APOL1: variants seen among roughly 807,000 people sequenced by gnomAD.
APOL1 encodes the protein apolipoprotein L 1.
Under a neutral mutation model 14.9 loss-of-function variants are expected in APOL1, and 17 were observed. The observed-to-expected ratio is 1.14, with a 90% CI of 0.78 to 1.71. APOL1 has a LOEUF of 1.71. APOL1 is among the 40% of genes most tolerant of loss of function. The probability of loss-of-function intolerance (pLI) is 0.00; values close to 1 mark genes in which losing one functional copy is unlikely to be tolerated. For synonymous variants in APOL1, 195 were observed against 184.8 expected (o/e 1.05, Z -0.45); for missense variants, 523 against 485.9 (o/e 1.08, Z -0.72).
Position 36,266,904 on chromosome 22 carries a change from CAAAA to C in APOL1, c.*885_*888del, listed in dbSNP as rs11321251. ...TGGGTGACAGAGCGAGACTCCATCTCAAAAAAAAAAAAAAAAAGAATATATTGAC... is the reference window on the plus strand; with the variant it reads ...TGGGTGACAGAGCGAGACTCCATCTCAAAAAAAAAAAAAGAATATATTGAC... On this transcript the variant is annotated 3_prime_UTR_variant, in exon 6 of 6. Transcript: ENST00000397278. The C allele has an allele frequency of 2.5e-4, 21 of 83,316 alleles. No individual in the cohort carries two copies. The highest frequency in any genetic ancestry group is 5.7e-3 in the Middle Eastern group (1 of 174). 5.2% of individuals were successfully genotyped at this position (83,316 alleles called of 1,614,324 possible).
intron 1 of APOL1, 36 bp downstream of exon 1, chr22:36,253,255 T>A (rs969287223): frequency 5.2e-6 from 2 of 384,448 alleles, no homozygotes; most frequent in African/African-American, 4.3e-5. Context: ...TCCATCTTAT[T>A]CTCACAGCTT....
chr22:36,266,884 G>T lies in APOL1; in HGVS notation c.*851G>T. On this transcript the variant is annotated 3_prime_UTR_variant, in exon 6 of 6. Coordinates refer to ENST00000397278, the MANE Select transcript of APOL1 (RefSeq NM_003661.4). The stretch of plus-strand genomic sequence containing the variant: ...ATCGCCACTGCACTCCAGCCTGGGT[G>T]ACAGAGCGAGACTCCATCTCAAAAA... The T allele has an allele frequency of 9.9e-6, 2 of 201,446 alleles. No individual in the cohort carries two copies. The highest frequency in any genetic ancestry group is 9.7e-6 in the Non-Finnish European group (1 of 103,322). 12.5% of individuals were successfully genotyped at this position (201,446 alleles called of 1,614,324 possible).
Position 36,253,157 on chromosome 22 carries a change from TG to T in APOL1, c.-79del. ...TATTATACAGACGCATAACTGGAGG[TG>T]GGATCCACACAGCTCAGAACAGCTG... On this transcript the variant is annotated 5_prime_UTR_variant, in exon 1 of 6. Coordinates refer to ENST00000397278, the MANE Select transcript of APOL1 (RefSeq NM_003661.4). The T allele has an allele frequency of 2.0e-6, 1 of 500,642 alleles. No homozygotes were observed. The highest frequency in any genetic ancestry group is 2.1e-5 in the Admixed American group (1 of 48,274). 31.0% of individuals were successfully genotyped at this position (500,642 alleles called of 1,614,324 possible).
rs543575592 is a variant in APOL1 at position 36,265,136 on chromosome 22, C to T, written c.315-15C>T. 7 of 1,613,294 alleles carry T rather than the reference C, an allele frequency of 4.3e-6. No homozygotes were observed. The highest frequency in any genetic ancestry group is 4.2e-6 in the Non-Finnish European group (5 of 1,179,618). On this transcript the variant is annotated splice_polypyrimidine_tract_variant and intron_variant, in intron 5 of 5. Coordinates refer to ENST00000397278, the MANE Select transcript of APOL1 (RefSeq NM_003661.4). Reference sequence around the variant, plus strand: ...AAAACTGCATTTCTTAATCCTTTAACCTTTCCTTGTGCAGGAATGAGGCAG... The same window carrying T: ...AAAACTGCATTTCTTAATCCTTTAATCTTTCCTTGTGCAGGAATGAGGCAG...
Position 36,253,144 on chromosome 22 carries a change from G to C in APOL1, c.-95G>C, listed in dbSNP as rs1000932100. On this transcript the variant is annotated 5_prime_UTR_variant, in exon 1 of 6. Transcript: ENST00000397278. ...GGACCTGTCTGGTTATTATACAGAC[G>C]CATAACTGGAGGTGGGATCCACACA... 4 of 488,970 alleles carry C rather than the reference G, an allele frequency of 8.2e-6. No homozygotes were observed. The highest frequency in any genetic ancestry group is 1.6e-5 in the Non-Finnish European group (4 of 245,414). The allele number at this position is 488,970 out of a possible 1,614,324, so 30.3% of individuals were successfully genotyped here. A position where few individuals can be genotyped will look rare whatever the true frequency, so the allele number is the denominator to read the frequency against.
chr22:36,257,722 G>A (rs1396711745), intron 4 of APOL1, among the ~76,000 whole-genome samples: 2 of 150,254 alleles, frequency 1.3e-5, no homozygotes, highest in Non-Finnish European at 3.0e-5. Context: ...TGTGGGGAGA[G>A]CAGGGTCCAG....
chr22:36,258,151 C>G (rs1463276660), intron 4 of APOL1, among the ~76,000 whole-genome samples: 1 of 152,096 alleles, frequency 6.6e-6, no homozygotes, highest in East Asian at 1.9e-4. Context: ...CCACCCCGTC[C>G]CCCCCCAGCT....
rs1485066787 is a variant in APOL1 at position 36,266,592 on chromosome 22, C to T, written c.*559C>T. ...GGAGAGTGTGGGGAATGGGAAGAAG[C>T]AGTTTACTTTAGACTAAAGAATATA... is the stretch of plus-strand genomic sequence containing the variant. On this transcript the variant is annotated 3_prime_UTR_variant, in exon 6 of 6. Coordinates refer to ENST00000397278, the MANE Select transcript of APOL1 (RefSeq NM_003661.4). The T allele has an allele frequency of 2.5e-6, 1 of 398,296 alleles. No individual in the cohort carries two copies. The highest frequency in any genetic ancestry group is 2.1e-5 in the African/African-American group (1 of 48,626). The allele number at this position is 398,296 out of a possible 1,614,324, so 24.7% of individuals were successfully genotyped here.
chr22:36,258,930 T>C (rs1021080421), intron 4 of APOL1, among the ~76,000 whole-genome samples: 5 of 152,256 alleles, frequency 3.3e-5, no homozygotes, highest in African/African-American at 1.2e-4. Flanking sequence ...CTTAGCTGAA[T>C]TGGCCACTTC....
chr22:36,257,071 A>C lies in APOL1; in HGVS notation c.45-12A>C. The stretch of plus-strand genomic sequence containing the variant: ...CCCGTCCTCTGATTATCTTCTCCTC[A>C]TACCCCAACAGGATGAGTGCACTTT... On this transcript the variant is annotated splice_polypyrimidine_tract_variant and intron_variant, in intron 2 of 5. Transcript: ENST00000397278. 6.2e-7 allele frequency: 1 copy of C among 1,614,080 alleles called. No homozygotes were observed. The highest frequency in any genetic ancestry group is 8.5e-7 in the Non-Finnish European group (1 of 1,179,996).
chr22:36,261,478 A>G, intron 4 of APOL1, 118 bp from the exon 5 acceptor site: 3 of 1,170,648 alleles, frequency 2.6e-6, no homozygotes, highest in South Asian at 1.4e-5. Flanking sequence ...ATGACTCCAT[A>G]AAACAAGTCC....
chr22:36,261,786 TA>T, intron 5 of APOL1, 64 bp downstream of exon 5: 1 of 1,554,696 alleles, frequency 6.4e-7, no homozygotes, highest in Non-Finnish European at 8.8e-7. Flanking sequence ...TCCCCTGGGC[TA>T]GTTTTCCCTG....
Position 36,265,886 on chromosome 22 carries a change from C to T in APOL1, c.1050C>T (p.Val350=), listed in dbSNP as rs2016241242. The change falls in exon 6 of 6, where the codon GTC becomes GTT. Residue 350 remains valine (V), a synonymous_variant. Transcript: ENST00000397278. The part of the protein sequence containing the change: ...PVSFFLVLDV[V]YLVYESKHLH... ...GCTTCTTTCTTGTGCTGGATGTAGT[C>T]TACCTCGTGTACGAATCAAAGCACT... 1 of 1,614,058 alleles carries T rather than the reference C, an allele frequency of 6.2e-7. No individual in the cohort carries two copies. Among genetic ancestry groups the T allele is most frequent in the Admixed American group, 1.7e-5 (1 of 59,992 alleles).
chr22:36,254,689 T>C (rs933925175), intron 1 of APOL1, among the ~76,000 whole-genome samples: 2 of 152,048 alleles, frequency 1.3e-5, no homozygotes, highest in Non-Finnish European at 2.9e-5. Context: ...GGTGAAACCC[T>C]GTCTCTACTA....
Position 36,261,620 on chromosome 22 carries a change from C to A in APOL1, c.212C>A (p.Ala71Asp), listed in dbSNP as rs779899888. ...DPESSIFIED[A>D]IKYFKEKVST... ...GAGAGCAGTATCTTTATTGAGGATG[C>A]CATTAAGTATTTCAAGGAAAAAGTG... Residue 71 changes from alanine (A) to aspartate (D), a missense_variant, in exon 5 of 6, where the codon GCC (alanine) becomes GAC (aspartate). Transcript: ENST00000397278. The A allele has an allele frequency of 6.2e-7, 1 of 1,613,604 alleles. No homozygotes were observed. The highest frequency in any genetic ancestry group is 8.5e-7 in the Non-Finnish European group (1 of 1,179,630).
At chr22:36,259,544 G>A in intron 4 of APOL1, 1 of 1,187,442 alleles carries the variant, frequency 8.4e-7, no homozygotes, top group South Asian at 1.5e-5. Flanking sequence ...CAAGACGAGG[G>A]GAGGGCAGGG....
Position 36,259,013 on chromosome 22 carries a change from T to C in APOL1, c.187+1606T>C, listed in dbSNP as rs545102556. On this transcript the variant is annotated intron_variant, in intron 4 of 5. Coordinates refer to ENST00000397278, the MANE Select transcript of APOL1 (RefSeq NM_003661.4). The stretch of plus-strand genomic sequence containing the variant: ...GGTGGTTTCAGCAACTCCTTCTGTG[T>C]CTGTCATGTGAACCTGCTGCCTGGA... 4.4e-3 allele frequency among the ~76,000 whole-genome samples: 667 copies of C among 152,290 alleles called. 4 individuals are homozygous for C. Among genetic ancestry groups the C allele is most frequent in the African/African-American group, 0.015 (619 of 41,556 alleles).
At position 36,260,334 on chromosome 22, in the gene APOL1, G is replaced by A. The variant is rs972418128; in HGVS notation, c.188-1262G>A. ...GGCATGAACCCAGGAGGCAGAGCTT[G>A]CAGTGAGCCAAGATCGCACCACTGC... is the stretch of plus-strand genomic sequence containing the variant. On this transcript the variant is annotated intron_variant, in intron 4 of 5. Transcript: ENST00000397278. 2.6e-5 allele frequency among the ~76,000 whole-genome samples: 4 copies of A among 152,176 alleles called. No homozygotes were observed. The South Asian group carries it at 8.3e-4, about 31-fold the overall frequency.
chr22:36,255,033 A>T, intron 2 of APOL1, 34 bp downstream of exon 2: 5 of 1,598,746 alleles, frequency 3.1e-6, no homozygotes, highest in Non-Finnish European at 4.3e-6. Flanking sequence ...GGCGGGAGGG[A>T]GGGCTCCCTG....
Sources: allele counts gnomAD v4.1 joint callset (sites outside exome capture counted in the v4.1 genomes callset), GRCh38; gene constraint gnomAD v4.1.1; transcripts MANE v1.5; gene names NCBI Gene and HGNC (gene_info 2026-07-23, HGNC 2026-07-21).